ESR1: variants seen among roughly 807,000 people sequenced by gnomAD.
The protein encoded by ESR1 is estrogen receptor.
In ESR1, 12 loss-of-function variants were observed where a neutral mutation model predicts 52.7. That is an observed-to-expected ratio of 0.23 (90% confidence interval 0.15 to 0.37). The LOEUF is 0.37. Ranked by LOEUF, ESR1 falls within the 10% of genes least tolerant of loss-of-function variation. The probability of loss-of-function intolerance (pLI) is 1.00; values close to 1 mark genes in which losing one functional copy is unlikely to be tolerated. For missense variants in ESR1, 584 were observed against 779.7 expected (o/e 0.75, Z 2.99); for synonymous variants, 305 against 316.8 (o/e 0.96, Z 0.39).
intron 2 of ESR1, among the ~76,000 whole-genome samples, chr6:151,729,807 C>G (rs1782105756): frequency 6.6e-6 from 1 of 152,034 alleles, no homozygotes; most frequent in Non-Finnish European, 1.5e-5. Context: ...ATTAAGAGAG[C>G]TTGGGTGCAG....
chr6:151,983,500 A>T (rs888856231), intron 4 of ESR1: 1 of 152,074 alleles, frequency 6.6e-6, no homozygotes, highest in South Asian at 2.1e-4. Context: ...TGGCTTCCTG[A>T]AGCTTAGATT....
chr6:151,679,529 T>C (rs575825367), intron 1 of ESR1, among the ~76,000 whole-genome samples: 2 of 152,142 alleles, frequency 1.3e-5, no homozygotes, highest in East Asian at 3.9e-4. Flanking sequence ...TTTGTATTTT[T>C]AGTAGAGACA....
At chr6:151,844,323 T>C (rs935875204) in intron 2 of ESR1, among the ~76,000 whole-genome samples, 2 of 152,170 alleles carry the variant, frequency 1.3e-5, no homozygotes, top group Non-Finnish European at 2.9e-5. Context: ...TTTGATTTTA[T>C]ATAATCTAAA....
chr6:151,732,886 G>T (rs1782363045), intron 2 of ESR1, among the ~76,000 whole-genome samples: 1 of 152,118 alleles, frequency 6.6e-6, no homozygotes, highest in South Asian at 2.1e-4. Flanking sequence ...TTTTGACTTT[G>T]TGAATCTAAC....
At chr6:151,826,462 T>G (rs73780871) in intron 1 of ESR1, among the ~76,000 whole-genome samples, 3,572 of 152,330 alleles carry the variant, frequency 0.023, 50 homozygotes, top group African/African-American at 0.045. Flanking sequence ...CTGCGAGGCC[T>G]GGGATAGATG....
upstream of ESR1, among the ~76,000 whole-genome samples, chr6:151,802,304 G>C (rs917341476): frequency 1.3e-5 from 2 of 152,050 alleles, no homozygotes; most frequent in East Asian, 1.9e-4. Context: ...GAAAATTGAT[G>C]GTATCAGATA....
At chr6:152,078,029 T>C (rs545173652) in intron 6 of ESR1, among the ~76,000 whole-genome samples, 86 of 152,258 alleles carry the variant, frequency 5.6e-4, no homozygotes, top group African/African-American at 1.9e-3. Flanking sequence ...AGGGGTGGAA[T>C]GTTATGGTTT....
chr6:152,076,715 C>T (rs1293007245), intron 6 of ESR1, among the ~76,000 whole-genome samples: 1 of 152,112 alleles, frequency 6.6e-6, no homozygotes, highest in African/African-American at 2.4e-5. Context: ...GCAAAGGTGA[C>T]TCTTGTTATA....
intron 3 of ESR1, among the ~76,000 whole-genome samples, chr6:151,897,040 G>C (rs548151071): frequency 6.6e-6 from 1 of 152,290 alleles, no homozygotes; most frequent in African/African-American, 2.4e-5. Flanking sequence ...TGTGGACTGA[G>C]AGAGTAGTTG....
chr6:152,022,266 T>G (rs975836127), intron 5 of ESR1, among the ~76,000 whole-genome samples: 1 of 152,102 alleles, frequency 6.6e-6, no homozygotes, highest in African/African-American at 2.4e-5. Context: ...GATTTCCAGA[T>G]TTGCGGTATT....
chr6:151,749,712 G>A (rs1783756453), intron 2 of ESR1, among the ~76,000 whole-genome samples: 1 of 140,862 alleles, frequency 7.1e-6, no homozygotes. Context: ...TCTGGAGGAA[G>A]GGGATCACGG....
chr6:151,903,251 A>G (rs1388678695), intron 3 of ESR1, among the ~76,000 whole-genome samples: 2 of 152,214 alleles, frequency 1.3e-5, no homozygotes, highest in South Asian at 2.1e-4. Flanking sequence ...CTGAATTGCT[A>G]TCATATTCTG....
chr6:151,691,850 A>C (rs1025162965), intron 1 of ESR1, among the ~76,000 whole-genome samples: 1 of 152,182 alleles, frequency 6.6e-6, no homozygotes, highest in Non-Finnish European at 1.5e-5. Context: ...CTCAAAAGCA[A>C]ATATTTTCTT....
At chr6:152,007,828 C>T (rs1303259277) in intron 4 of ESR1, among the ~76,000 whole-genome samples, 2 of 152,078 alleles carry the variant, frequency 1.3e-5, no homozygotes, top group East Asian at 1.9e-4. Flanking sequence ...CCTTATGTCC[C>T]GTAGCAGCTG....
chr6:152,073,092 A>G (rs1263434378), intron 6 of ESR1, among the ~76,000 whole-genome samples: 2 of 152,370 alleles, frequency 1.3e-5, no homozygotes, highest in African/African-American at 2.4e-5. Flanking sequence ...AAAATTATTC[A>G]CAGAAGCTTT....
intron 1 of ESR1, among the ~76,000 whole-genome samples, chr6:151,826,856 G>A (rs1162027717): frequency 6.6e-6 from 1 of 152,208 alleles, no homozygotes; most frequent in African/African-American, 2.4e-5. Context: ...AATTGGGAAA[G>A]ATTCCATTAC....
intron 4 of ESR1, among the ~76,000 whole-genome samples, chr6:151,996,337 A>C (rs1016364645): frequency 6.6e-6 from 1 of 151,782 alleles, no homozygotes; most frequent in Non-Finnish European, 1.5e-5. Context: ...GGGACCTCCC[A>C]CTGTCCTCTC....
chr6:151,974,491 G>A (rs1435394682), intron 4 of ESR1, among the ~76,000 whole-genome samples: 4 of 152,152 alleles, frequency 2.6e-5, no homozygotes, highest in Admixed American at 2.6e-4. Context: ...ATATTGACCT[G>A]AGAGGAAAGA....
intron 6 of ESR1, among the ~76,000 whole-genome samples, chr6:152,110,643 C>T (rs1283824892): frequency 6.6e-6 from 1 of 152,174 alleles, no homozygotes; most frequent in African/African-American, 2.4e-5. Flanking sequence ...CATTTACCTA[C>T]ATAACCAACC....
Sources: gnomAD v4.1 joint callset for allele counts (sites outside exome capture counted in the v4.1 genomes callset) on GRCh38, gnomAD v4.1.1 for gene constraint, MANE v1.5 for transcripts, NCBI Gene and HGNC (gene_info 2026-07-23, HGNC 2026-07-21) for gene names.